The following TSPAN18 variants were observed in gnomAD, a reference collection of about 807,000 sequenced individuals.
The protein encoded by TSPAN18 is tetraspanin-18.
In TSPAN18, 14 loss-of-function variants were observed where a neutral mutation model predicts 27.3. That is an observed-to-expected ratio of 0.51 (90% CI 0.34 to 0.80). TSPAN18 has a LOEUF of 0.80. TSPAN18 is among the 30% of genes least tolerant of loss of function. The pLI, the probability that TSPAN18 is intolerant of heterozygous loss-of-function variation, is 0.01. For missense variants in TSPAN18, 268 were observed against 323.9 expected, an observed-to-expected ratio of 0.83 and a Z score of 1.32; for synonymous variants, 143 against 136.5, an observed-to-expected ratio of 1.05 and a Z score of -0.33.
chr11:44,914,724 CT>C (rs1859842381), intron 5 of TSPAN18, among the ~76,000 whole-genome samples: 1 of 152,188 alleles, frequency 6.6e-6, no homozygotes, highest in African/African-American at 2.4e-5. Flanking sequence ...CCACAATCCG[CT>C]CTCAGTAAAA....
intron 3 of TSPAN18, among the ~76,000 whole-genome samples, chr11:44,881,962 A>G (rs1858500125): frequency 6.6e-6 from 1 of 152,206 alleles, no homozygotes; most frequent in African/African-American, 2.4e-5. Context: ...GGAAGGGGTC[A>G]CTGGTGAAAG....
intron 2 of TSPAN18, among the ~76,000 whole-genome samples, chr11:44,803,040 A>C (rs955926277): frequency 1.3e-5 from 2 of 152,172 alleles, no homozygotes; most frequent in Non-Finnish European, 2.9e-5. Context: ...GACACATTCC[A>C]GTCCCTACTA....
At chr11:44,790,187 GTGTGTGTGCATGTGTC>G (rs761271519) in intron 2 of TSPAN18, among the ~76,000 whole-genome samples, 232 of 151,694 alleles carry the variant, frequency 1.5e-3, no homozygotes, top group Middle Eastern at 3.5e-3. Flanking sequence ...GTGCGCATAT[GTGTGTGTGCATGTGTC>G]TGTGTGTGCA....
At chr11:44,844,962 G>A (rs905580317) in intron 2 of TSPAN18, among the ~76,000 whole-genome samples, 4 of 152,208 alleles carry the variant, frequency 2.6e-5, no homozygotes, top group African/African-American at 9.6e-5. Flanking sequence ...CTCCAAAGGG[G>A]TATCAAAAGG....
At chr11:44,818,396 C>T (rs1225897058) in intron 2 of TSPAN18, among the ~76,000 whole-genome samples, 1 of 152,204 alleles carries the variant, frequency 6.6e-6, no homozygotes, top group African/African-American at 2.4e-5. Flanking sequence ...GGCCAGAGGG[C>T]CAGAGGATTT....
In TSPAN18 at chr11:44,919,852, T is replaced by C. The variant is rs1399232014; in HGVS notation, c.468T>C (p.Phe156=). 1.2e-6 allele frequency: 2 copies of C among 1,614,178 alleles called. No individual in the cohort carries two copies. Among genetic ancestry groups the C allele is most frequent in the Non-Finnish European group, 1.7e-6 (2 of 1,180,022 alleles). Residue 156 remains phenylalanine, a synonymous_variant, in exon 8 of 10, where the codon TTT becomes TTC. Transcript: ENST00000520358. ...GCGGGGTCAACGGGCCTGAAGACTTTAAGTTTGCATCTGTGTTTCGACTCC... is the reference window on the plus strand; with the variant it reads ...GCGGGGTCAACGGGCCTGAAGACTTCAAGTTTGCATCTGTGTTTCGACTCC... The part of the protein sequence containing the change: ...GCCGVNGPED[F]KFASVFRLLT...
At chr11:44,831,852 GA>G (rs1031863746) in intron 2 of TSPAN18, among the ~76,000 whole-genome samples, 21 of 152,160 alleles carry the variant, frequency 1.4e-4, no homozygotes, top group Admixed American at 1.4e-3. Context: ...GCTGGTCCAG[GA>G]AGCCTTCTTG....
At chr11:44,745,248 G>C (rs1169654142) in intron 1 of TSPAN18, among the ~76,000 whole-genome samples, 5 of 152,174 alleles carry the variant, frequency 3.3e-5, no homozygotes, top group Non-Finnish European at 7.3e-5. Flanking sequence ...ATTTTGAAGA[G>C]GCCATTCAAG....
At chr11:44,908,282 C>T (rs542876922) in intron 4 of TSPAN18, among the ~76,000 whole-genome samples, 56 of 152,262 alleles carry the variant, frequency 3.7e-4, no homozygotes, top group Middle Eastern at 3.4e-3. Flanking sequence ...AGCAGTTTTC[C>T]TGTCGCCCAG....
At chr11:44,851,039 A>T (rs1857587651) in intron 2 of TSPAN18, among the ~76,000 whole-genome samples, 1 of 152,240 alleles carries the variant, frequency 6.6e-6, no homozygotes, top group Non-Finnish European at 1.5e-5. Context: ...CTGTGGCTAG[A>T]ACAACGGTTT....
At chr11:44,897,924 G>C (rs1859122455) in intron 3 of TSPAN18, 2 of 1,210,930 alleles carry the variant, frequency 1.7e-6, no homozygotes, top group Non-Finnish European at 2.2e-6. Context: ...CAATCTGCCT[G>C]TTTGCCTCTG....
At chr11:44,882,959 C>G (rs1366154993) in intron 3 of TSPAN18, among the ~76,000 whole-genome samples, 1 of 152,200 alleles carries the variant, frequency 6.6e-6, no homozygotes, top group Non-Finnish European at 1.5e-5. Flanking sequence ...ACTTCAGACA[C>G]ACAGAGGGCA....
chr11:44,727,921 G>A (rs913770917), intron 1 of TSPAN18, among the ~76,000 whole-genome samples: 1 of 152,212 alleles, frequency 6.6e-6, no homozygotes, highest in African/African-American at 2.4e-5. Flanking sequence ...CCAGATTTAG[G>A]GGGCAGTGGG....
chr11:44,763,993 TAC>T (rs1308398118), intron 1 of TSPAN18, among the ~76,000 whole-genome samples: 1 of 152,058 alleles, frequency 6.6e-6, no homozygotes, highest in East Asian at 1.9e-4. Context: ...TCAGGAAACT[TAC>T]AATCATGGTG....
intron 1 of TSPAN18, among the ~76,000 whole-genome samples, chr11:44,728,365 C>T (rs973886279): frequency 3.3e-5 from 5 of 152,306 alleles, no homozygotes; most frequent in Non-Finnish European, 7.3e-5. Context: ...AACTTTTTGA[C>T]GGTTTTTGGA....
intron 2 of TSPAN18, among the ~76,000 whole-genome samples, chr11:44,826,440 A>G (rs1173058940): frequency 6.6e-6 from 1 of 152,204 alleles, no homozygotes; most frequent in East Asian, 1.9e-4. Flanking sequence ...AAAGAAAAGA[A>G]AAAAGTTTGC....
chr11:44,830,682 G>C (rs1420689283), intron 2 of TSPAN18, among the ~76,000 whole-genome samples: 1 of 152,206 alleles, frequency 6.6e-6, no homozygotes, highest in Non-Finnish European at 1.5e-5. Flanking sequence ...ACACAAATAA[G>C]TAAGCAAATT....
chr11:44,785,040 A>G (rs1856023267), intron 2 of TSPAN18, among the ~76,000 whole-genome samples: 2 of 152,190 alleles, frequency 1.3e-5, no homozygotes, highest in Non-Finnish European at 2.9e-5. Flanking sequence ...CGGTAATGAG[A>G]CAAAGCGTGG....
At chr11:44,919,386 T>A in intron 7 of TSPAN18, 74 bp downstream of exon 7, 2 of 1,278,824 alleles carry the variant, frequency 1.6e-6, no homozygotes, top group Non-Finnish European at 2.3e-6. Flanking sequence ...ACGCCAGGCA[T>A]CAGTAATCAA....
Sources: gnomAD v4.1 joint callset for allele counts (sites outside exome capture counted in the v4.1 genomes callset) on GRCh38, gnomAD v4.1.1 for gene constraint, MANE v1.5 for transcripts, NCBI Gene and HGNC (gene_info 2026-07-23, HGNC 2026-07-21) for gene names.